Variants in DNAJC2 observed in about 807,000 individuals in gnomAD.
DNAJC2 encodes DnaJ heat shock protein family (Hsp40) member C2, also known as dnaJ homolog subfamily C member 2.
A neutral mutation model predicts 94.0 loss-of-function variants in DNAJC2; 32 were observed. The ratio of observed to expected loss-of-function variants is 0.34; its 90% CI spans 0.26 to 0.46. The LOEUF is 0.46. DNAJC2 is among the 20% of genes least tolerant of loss of function. The pLI is 1.00. For synonymous variants in DNAJC2, 210 were observed against 229.7 expected (o/e 0.91, Z 0.77); for missense variants, 550 against 719.5 (o/e 0.76, Z 2.69).
chr7:103,338,770 C>A (rs1260416555), intron 2 of DNAJC2, among the ~76,000 whole-genome samples: 4 of 151,558 alleles, frequency 2.6e-5, no homozygotes, highest in African/African-American at 9.7e-5. Context: ...ATTAGCCGGG[C>A]GTGGTGGCGC....
At chr7:103,326,090 C>A (rs1324027666) in intron 5 of DNAJC2, among the ~76,000 whole-genome samples, 1 of 152,008 alleles carries the variant, frequency 6.6e-6, no homozygotes, top group African/African-American at 2.4e-5. Flanking sequence ...GCAAAACTCC[C>A]GTCTCCGCCT....
At chr7:103,333,675 C>T (rs986754754) in intron 3 of DNAJC2, among the ~76,000 whole-genome samples, 2 of 152,174 alleles carry the variant, frequency 1.3e-5, no homozygotes, top group African/African-American at 4.8e-5. Flanking sequence ...CATCCTCTAC[C>T]AGCTGAGGCA....
intron 3 of DNAJC2, 137 bp downstream of exon 3, chr7:103,337,599 G>T (rs1819223629): frequency 1.5e-6 from 1 of 661,858 alleles, no homozygotes; most frequent in Non-Finnish European, 2.5e-6. Context: ...GTGGTTTTTT[G>T]CTTGTTATGA....
At chr7:103,327,030 T>G (rs568234404) in intron 4 of DNAJC2, among the ~76,000 whole-genome samples, 2 of 152,206 alleles carry the variant, frequency 1.3e-5, no homozygotes. Context: ...TCTGGAGCAC[T>G]GTGTAAGAGA....
At chr7:103,336,265 A>T (rs1266645111) in intron 3 of DNAJC2, 1 of 152,266 alleles carries the variant, frequency 6.6e-6, no homozygotes, top group Non-Finnish European at 1.5e-5. Context: ...TCACCTTAAA[A>T]CACAAACTAT....
At chr7:103,316,785 C>T in intron 13 of DNAJC2, 45 bp downstream of exon 13, 1 of 1,509,264 alleles carries the variant, frequency 6.6e-7, no homozygotes, top group Non-Finnish European at 9.1e-7. Context: ...ACATTATCTC[C>T]AGGCTCCAGT....
At chr7:103,327,412 G>A (rs1416583857) in intron 4 of DNAJC2, 1 of 974,784 alleles carries the variant, frequency 1.0e-6, no homozygotes, top group African/African-American at 1.6e-5. Flanking sequence ...AGTAGGTTTG[G>A]GGCAGGGCCT....
chr7:103,313,269 G>T, intron 15 of DNAJC2, 168 bp from the exon 16 acceptor site: 1 of 1,336,232 alleles, frequency 7.5e-7, no homozygotes, highest in African/African-American at 1.5e-5. Context: ...GTTAATAAGA[G>T]AAAAAATTTC....
At position 103,313,000 on chromosome 7, in the gene DNAJC2, T is replaced by C; in HGVS notation, c.1738A>G (p.Ile580Val). The change falls in exon 16 of 17, where the codon ATA becomes GTA. Residue 580 changes from isoleucine to valine, a missense_variant. Physicochemically the swap from Ile to Val is conservative, Grantham distance 29. This residue lies in a region of DNAJC2 where 271 missense variants were observed against 302.6 expected (regional missense o/e 0.90). Transcript: ENST00000379263. Reference sequence around the variant, plus strand: ...GTCCTGCCAGGCACCGCTTCTGCTATTTTTTCCCATCTTTCAGGTGTATTT... The same window carrying C: ...GTCCTGCCAGGCACCGCTTCTGCTACTTTTTCCCATCTTTCAGGTGTATTT... ...PVNTPERWEK[I>V]AEAVPGRTKK... 1 of 1,614,072 alleles carries C rather than the reference T, an allele frequency of 6.2e-7. No homozygotes were observed. Among genetic ancestry groups the C allele is most frequent in the Non-Finnish European group, 8.5e-7 (1 of 1,179,948 alleles).
At chr7:103,341,039 A>C (rs1263184076) in intron 2 of DNAJC2, among the ~76,000 whole-genome samples, 2 of 152,190 alleles carry the variant, frequency 1.3e-5, no homozygotes, top group Non-Finnish European at 2.9e-5. Flanking sequence ...GTCTTGTGCC[A>C]CACAGCCAGG....
At chr7:103,338,640 G>T (rs889119017) in intron 2 of DNAJC2, among the ~76,000 whole-genome samples, 3 of 151,928 alleles carry the variant, frequency 2.0e-5, no homozygotes, top group African/African-American at 7.2e-5. Flanking sequence ...GGCTGGGCAT[G>T]CCAGCTTACG....
chr7:103,314,162 T>C, intron 15 of DNAJC2: 1 of 985,444 alleles, frequency 1.0e-6, no homozygotes, highest in Non-Finnish European at 1.2e-6. Flanking sequence ...TTTTGTTGAA[T>C]TTCCTTGTAT....
chr7:103,338,182 ATTAC>A (rs1819247046), intron 2 of DNAJC2, among the ~76,000 whole-genome samples: 1 of 150,486 alleles, frequency 6.6e-6, no homozygotes, highest in African/African-American at 2.5e-5. Context: ...AAGTAGCAGG[ATTAC>A]TTGAGTCTAG....
chr7:103,323,041 TG>T (rs1818506153), intron 7 of DNAJC2, among the ~76,000 whole-genome samples: 1 of 152,122 alleles, frequency 6.6e-6, no homozygotes, highest in Non-Finnish European at 1.5e-5. Flanking sequence ...GTGAGTCTCC[TG>T]CCTCAGCCTC....
At chr7:103,343,738 G>A (rs968578923) in intron 1 of DNAJC2, among the ~76,000 whole-genome samples, 1 of 152,192 alleles carries the variant, frequency 6.6e-6, no homozygotes, top group African/African-American at 2.4e-5. Context: ...CCTTACACAG[G>A]AGAGGATTAA....
At position 103,315,775 on chromosome 7, in the gene DNAJC2, T is replaced by C. The variant is rs1188156805; in HGVS notation, c.1625A>G (p.Glu542Gly). 3.1e-6 allele frequency: 5 copies of C among 1,613,398 alleles called. No individual in the cohort carries two copies. The highest frequency in any genetic ancestry group is 3.3e-5 in the Admixed American group (2 of 59,958). Reference protein sequence around the residue: ...VPQADNATPSERFEGPYTDFT... With the variant: ...VPQADNATPSGRFEGPYTDFT... The stretch of plus-strand genomic sequence containing the variant: ...AAAGCAAAATTTACCTTCAAATCGT[T>C]CTGAAGGCGTTGCGTTGTCTGCTTG... The change falls in exon 15 of 17, where the codon GAA (glutamate) becomes GGA (glycine). Residue 542 changes from glutamate (E) to glycine (G), a missense_variant. Physicochemically the swap from Glu to Gly is moderately conservative, Grantham distance 98 (BLOSUM62 -2). Transcript: ENST00000379263.
chr7:103,314,110 TAAG>T (rs1355091295), intron 15 of DNAJC2: 1 of 985,308 alleles, frequency 1.0e-6, no homozygotes, highest in East Asian at 1.1e-4. Flanking sequence ...CTAAGGTGCC[TAAG>T]AAGCTTTTTT....
At position 103,312,418 on chromosome 7, in the gene DNAJC2, T is replaced by C; in HGVS notation, c.*151A>G. 6.6e-7 allele frequency: 1 copy of C among 1,507,474 alleles called. No individual in the cohort carries two copies. Among genetic ancestry groups the C allele is most frequent in the Non-Finnish European group, 8.8e-7 (1 of 1,137,684 alleles). The allele number at this position is 1,507,474 out of a possible 1,614,324, so 93.4% of individuals were successfully genotyped here. On this transcript the variant is annotated 3_prime_UTR_variant, in exon 17 of 17. Coordinates refer to ENST00000379263, the MANE Select transcript of DNAJC2 (RefSeq NM_014377.3). ...GATAAAAAGACTACCCCTCTGAAGG[T>C]TGTTTTGTATTAATGGTCAGTCTTT...
chr7:103,326,220 C>T (rs1453059483), intron 5 of DNAJC2, among the ~76,000 whole-genome samples: 3 of 152,096 alleles, frequency 2.0e-5, no homozygotes, highest in Non-Finnish European at 2.9e-5. Flanking sequence ...TCAGGTGATC[C>T]GTCCACCTCG....
Sources: gnomAD v4.1 joint callset for allele counts (sites outside exome capture counted in the v4.1 genomes callset) on GRCh38, gnomAD v4.1.1 for gene constraint, gnomAD v4.1.1 regional missense constraint, MANE v1.5 for transcripts, NCBI Gene and HGNC (gene_info 2026-07-23, HGNC 2026-07-21) for gene names.